Variants in MTHFSD observed in about 807,000 individuals in gnomAD.
The protein encoded by MTHFSD is methenyltetrahydrofolate synthetase domain containing.
A neutral mutation model predicts 31.1 loss-of-function variants in MTHFSD; 37 were observed. The ratio of observed to expected loss-of-function variants is 1.19; its 90% CI spans 0.91 to 1.56. MTHFSD has a LOEUF of 1.56. Among genes scored for constraint, MTHFSD ranks in the 40% most tolerant of loss-of-function variants. The pLI is 0.00. For synonymous variants in MTHFSD, 221 were observed against 206.9 expected (o/e 1.07, Z -0.59); for missense variants, 664 against 510.1 (o/e 1.30, Z -2.91).
intron 7 of MTHFSD, among the ~76,000 whole-genome samples, chr16:86,535,986 C>A (rs1387899211): frequency 6.6e-6 from 1 of 152,138 alleles, no homozygotes; most frequent in Non-Finnish European, 1.5e-5. Flanking sequence ...AAGTAGCTGG[C>A]ACTACATGTG....
chr16:86,538,392 C>T (rs1031022124), intron 7 of MTHFSD, among the ~76,000 whole-genome samples: 3 of 152,156 alleles, frequency 2.0e-5, no homozygotes, highest in Admixed American at 1.3e-4. Flanking sequence ...CAGGTGCTCA[C>T]TCGGGTCCAG....
intron 7 of MTHFSD, chr16:86,532,719 C>G (rs1597309427): frequency 2.8e-6 from 1 of 357,730 alleles, no homozygotes; most frequent in East Asian, 4.2e-5. Flanking sequence ...CTCACGGGGG[C>G]TCTGGAGCGT....
chr16:86,554,752 C>T lies in MTHFSD; in HGVS notation c.17-1G>A, dbSNP rs200070375. 1.5e-4 allele frequency: 238 copies of T among 1,610,308 alleles called. No homozygotes were observed. The highest frequency in any genetic ancestry group is 3.3e-4 in the Admixed American group (20 of 59,922). ...CGTATGTCCTGTTTGGAGACACCTA[C>T]TGCAACAAAAGATTCCCACTTAATA... On this transcript the variant is annotated splice_acceptor_variant, in intron 1 of 7. Transcript: ENST00000360900. LOFTEE classifies it high-confidence loss of function.
intron 5 of MTHFSD, among the ~76,000 whole-genome samples, chr16:86,545,210 T>TA (rs533323958): frequency 2.0e-5 from 3 of 149,202 alleles, no homozygotes; most frequent in South Asian, 4.2e-4. Flanking sequence ...TCCCGGAACT[T>TA]AAAAAAAAAA....
chr16:86,541,628 G>C, intron 7 of MTHFSD, 69 bp downstream of exon 7: 1 of 1,562,746 alleles, frequency 6.4e-7, no homozygotes. Flanking sequence ...TCCCATGCCA[G>C]ACAGAAAACA....
At chr16:86,535,265 T>G (rs1970524352) in intron 7 of MTHFSD, 1 of 985,316 alleles carries the variant, frequency 1.0e-6, no homozygotes, top group African/African-American at 1.7e-5. Context: ...GCTCTTTTCA[T>G]GAGCAGTGTT....
chr16:86,548,446 A>G lies in MTHFSD; in HGVS notation c.351+18T>C. 1.3e-6 allele frequency: 2 copies of G among 1,595,646 alleles called. No homozygotes were observed. The highest frequency in any genetic ancestry group is 1.3e-5 in the African/African-American group (1 of 74,658). On this transcript the variant is annotated intron_variant, in intron 4 of 7. Transcript: ENST00000360900. ...GTACAGTTCTTTCCTAGGTGGGGAC[A>G]TTGCTTCTGGTACTTACCTGAGAGG...
At chr16:86,553,442 C>G (rs1361167354) in intron 2 of MTHFSD, 1 of 152,784 alleles carries the variant, frequency 6.5e-6, no homozygotes, top group African/African-American at 2.4e-5. Flanking sequence ...GAGGCGCGGG[C>G]GGGAACTGCT....
At position 86,548,457 on chromosome 16, in the gene MTHFSD, T is replaced by G; in HGVS notation, c.351+7A>C. On this transcript the variant is annotated splice_region_variant and intron_variant, in intron 4 of 7. Coordinates refer to ENST00000360900, the MANE Select transcript of MTHFSD (RefSeq NM_001159377.2). ...TCCTAGGTGGGGACATTGCTTCTGGTACTTACCTGAGAGGTGGCACATTTT... is the reference window on the plus strand; with the variant it reads ...TCCTAGGTGGGGACATTGCTTCTGGGACTTACCTGAGAGGTGGCACATTTT... 6.2e-7 allele frequency: 1 copy of G among 1,609,916 alleles called. No homozygotes were observed. The highest frequency in any genetic ancestry group is 1.3e-5 in the African/African-American group (1 of 74,986).
rs369650621 is a variant in MTHFSD, at chr16:86,549,935, C to A, written c.238-1358G>T. 8.5e-5 allele frequency among the ~76,000 whole-genome samples: 13 copies of A among 152,340 alleles called. 1 individual carries two copies. The highest frequency in any genetic ancestry group is 3.9e-4 in the East Asian group (2 of 5,176). Reference sequence around the variant, plus strand: ...TGCGGACTGTCCGGTCAGACACTGGCCACTGTGCCTGTAGCTGTGGCTTGA... The same window carrying A: ...TGCGGACTGTCCGGTCAGACACTGGACACTGTGCCTGTAGCTGTGGCTTGA... On this transcript the variant is annotated intron_variant, in intron 3 of 7. Coordinates refer to ENST00000360900, the MANE Select transcript of MTHFSD (RefSeq NM_001159377.2).
At chr16:86,541,171 T>C (rs1030107017) in intron 7 of MTHFSD, 2 of 1,289,490 alleles carry the variant, frequency 1.6e-6, no homozygotes, top group African/African-American at 3.0e-5. Context: ...TACTGCAGAC[T>C]AATTTGCAAC....
Position 86,547,940 on chromosome 16 carries a change from T to C in MTHFSD, c.351+524A>G, listed in dbSNP as rs898294300. On this transcript the variant is annotated intron_variant, in intron 4 of 7. Coordinates refer to ENST00000360900, the MANE Select transcript of MTHFSD (RefSeq NM_001159377.2). ...GTAAAATACATGACCAATTTTATTATAATGCACCCTAAAGTCATATTTGTA... is the reference window on the plus strand; with the variant it reads ...GTAAAATACATGACCAATTTTATTACAATGCACCCTAAAGTCATATTTGTA... 2.7e-5 allele frequency: 23 copies of C among 855,852 alleles called. No individual in the cohort carries two copies. The African/African-American group carries it at 3.7e-4, about 14-fold the overall frequency. The allele number at this position is 855,852 out of a possible 1,614,324, so 53.0% of individuals were successfully genotyped here.
At position 86,532,440 on chromosome 16, in the gene MTHFSD, G is replaced by C. The variant is rs951380189; in HGVS notation, c.723C>G (p.Ser241Arg). 1.2e-5 allele frequency: 17 copies of C among 1,460,988 alleles called. No individual in the cohort carries two copies. The highest frequency in any genetic ancestry group is 1.0e-4 in the African/African-American group (7 of 69,816). The allele number at this position is 1,460,988 out of a possible 1,614,324, so 90.5% of individuals were successfully genotyped here. Residue 241 changes from serine (S) to arginine (R), a missense_variant, in exon 8 of 8, where the codon AGC (serine) becomes AGG (arginine). Transcript: ENST00000360900. ...EMMEKIPILR[S>R]LRAREQQAGK... The stretch of plus-strand genomic sequence containing the variant: ...CAGCCTGCTGCTCTCGGGCGCGGAG[G>C]CTCCTCAGTATGGGGATTTTCTCCA...
chr16:86,554,971 G>C lies in MTHFSD; in HGVS notation c.16+198C>G, dbSNP rs949083236. ...TCTTCTCGTTATCTTTATTTTTCCT[G>C]ACATCTTTCTCGGGATTCCGGGCGA... On this transcript the variant is annotated intron_variant, in intron 1 of 7. Coordinates refer to ENST00000360900, the MANE Select transcript of MTHFSD (RefSeq NM_001159377.2). 16 of 1,305,320 alleles carry C rather than the reference G, an allele frequency of 1.2e-5. No homozygotes were observed. The African/African-American group carries it at 2.1e-4, about 17-fold the overall frequency. The allele number at this position is 1,305,320 out of a possible 1,614,324, so 80.9% of individuals were successfully genotyped here.
rs1567563917 is a variant in MTHFSD at position 86,555,160 on chromosome 16, G to A, written c.16+9C>T. On this transcript the variant is annotated intron_variant, in intron 1 of 7. Transcript: ENST00000360900. ...CCCAGCCGCCCCGGAGCCCCGCCAG[G>A]CCCCCCACCTGCCCTCGGCTCCATG... is the stretch of plus-strand genomic sequence containing the variant. The A allele has an allele frequency of 1.8e-5, 28 of 1,536,016 alleles. No homozygotes were observed. The highest frequency in any genetic ancestry group is 7.3e-5 in the East Asian group (3 of 40,988).
At position 86,542,181 on chromosome 16, in the gene MTHFSD, C is replaced by G; in HGVS notation, c.475G>C (p.Asp159His). 1 of 1,613,754 alleles carries G rather than the reference C, an allele frequency of 6.2e-7. No homozygotes were observed. The highest frequency in any genetic ancestry group is 8.5e-7 in the Non-Finnish European group (1 of 1,179,994). The stretch of plus-strand genomic sequence containing the variant: ...GATACCATCATGGCATATTCCAGAT[C>G]GGCGTAGCCTTCTCCCTTCCCGATT... ...WRIGKGEGYA[D>H]LEYAMMVSMG... Residue 159 changes from aspartate to histidine, a missense_variant, in exon 6 of 8, where the codon GAT becomes CAT. Transcript: ENST00000360900. This position sits in a 1 kb window ranked among gnomAD's most constrained non-coding sequence, Gnocchi z 4.6.
Position 86,542,369 on chromosome 16 carries a change from C to G in MTHFSD, c.443-156G>C, listed in dbSNP as rs1029853124. 2.5e-5 allele frequency: 16 copies of G among 628,112 alleles called. No individual in the cohort carries two copies. The highest frequency in any genetic ancestry group is 3.9e-5 in the Non-Finnish European group (14 of 362,906). The allele number at this position is 628,112 out of a possible 1,614,324, so 38.9% of individuals were successfully genotyped here. On this transcript the variant is annotated intron_variant, in intron 5 of 7. Transcript: ENST00000360900. This position sits in a 1 kb window ranked among gnomAD's most constrained non-coding sequence, Gnocchi z 4.6. The stretch of plus-strand genomic sequence containing the variant: ...GAAATGCCCACCAAATGCCCACAAG[C>G]AGCCCACACTGACGATGGACTTTTG...
Position 86,542,352 on chromosome 16 carries a change from C to G in MTHFSD, c.443-139G>C. 1 of 692,008 alleles carries G rather than the reference C, an allele frequency of 1.4e-6. No individual in the cohort carries two copies. Among genetic ancestry groups the G allele is most frequent in the East Asian group, 2.8e-5 (1 of 36,200 alleles). 42.9% of individuals were successfully genotyped at this position (692,008 alleles called of 1,614,324 possible). On this transcript the variant is annotated intron_variant, in intron 5 of 7. Transcript: ENST00000360900. This position sits in a 1 kb window ranked among gnomAD's most constrained non-coding sequence, Gnocchi z 4.6. ...CTATAGAAATTTTCACAGAAATGCCCACCAAATGCCCACAAGCAGCCCACA... is the reference window on the plus strand; with the variant it reads ...CTATAGAAATTTTCACAGAAATGCCGACCAAATGCCCACAAGCAGCCCACA...
At position 86,540,792 on chromosome 16, in the gene MTHFSD, G is replaced by A. The variant is rs375184128; in HGVS notation, c.681+905C>T. ...GTGCTCCTGGTGCGCTTAGAGGGCC[G>A]CCCATACACTCTGGGTTACAAAGGC... On this transcript the variant is annotated intron_variant, in intron 7 of 7. Coordinates refer to ENST00000360900, the MANE Select transcript of MTHFSD (RefSeq NM_001159377.2). 1,045 of 997,148 alleles carry A rather than the reference G, an allele frequency of 1.0e-3. 20 individuals are homozygous for A. In the South Asian group the frequency reaches 0.039, roughly 37 times the overall value. 61.8% of individuals were successfully genotyped at this position (997,148 alleles called of 1,614,324 possible).
Sources: allele counts gnomAD v4.1 joint callset (sites outside exome capture counted in the v4.1 genomes callset), GRCh38; gene constraint gnomAD v4.1.1; non-coding constraint Gnocchi (gnomAD v3.1); transcripts MANE v1.5; gene names NCBI Gene and HGNC (gene_info 2026-07-23, HGNC 2026-07-21).